GLRA3: variants seen among roughly 807,000 people sequenced by gnomAD.
GLRA3 encodes the protein glycine receptor alpha 3.
GLRA3 carries 44 observed loss-of-function variants against 60.4 expected under a neutral mutation model. That is an observed-to-expected ratio of 0.73 (90% confidence interval 0.57 to 0.94). GLRA3 has a LOEUF of 0.94. Ranked by LOEUF, GLRA3 falls within the 40% of genes least tolerant of loss-of-function variation. The pLI is 0.00. For synonymous variants in GLRA3, 223 were observed against 192.9 expected, an observed-to-expected ratio of 1.16 and a Z score of -1.29; for missense variants, 508 against 564.6, an observed-to-expected ratio of 0.90 and a Z score of 1.02.
intron 3 of GLRA3, among the ~76,000 whole-genome samples, chr4:174,734,711 T>C (rs570564207): frequency 6.6e-6 from 1 of 152,316 alleles, no homozygotes; most frequent in African/African-American, 2.4e-5. Flanking sequence ...ATAACACTCT[T>C]CATATCTCAT....
At chr4:174,820,795 A>G (rs1461579643) in intron 1 of GLRA3, among the ~76,000 whole-genome samples, 1 of 152,176 alleles carries the variant, frequency 6.6e-6, no homozygotes, top group African/African-American at 2.4e-5. Context: ...CAGAAAAGGC[A>G]AACATTATTT....
At chr4:174,769,650 T>C (rs1249909040) in intron 2 of GLRA3, among the ~76,000 whole-genome samples, 1 of 152,106 alleles carries the variant, frequency 6.6e-6, no homozygotes, top group African/African-American at 2.4e-5. Context: ...ATGCTAGGAA[T>C]TACTTCCATA....
intron 7 of GLRA3, among the ~76,000 whole-genome samples, chr4:174,661,163 TCA>T (rs1004856082): frequency 1.7e-4 from 26 of 150,536 alleles, no homozygotes; most frequent in Middle Eastern, 3.4e-3. Flanking sequence ...GAGCTAGCAA[TCA>T]CACACACACA....
At chr4:174,753,955 G>A (rs915447896) in intron 3 of GLRA3, among the ~76,000 whole-genome samples, 13 of 147,992 alleles carry the variant, frequency 8.8e-5, no homozygotes, top group Non-Finnish European at 1.8e-4. Flanking sequence ...CTCTCTCTCA[G>A]GATACAGATT....
Position 174,659,204 on chromosome 4 carries a change from AAGAG to A in GLRA3, c.928-11_928-8del. The A allele has an allele frequency of 3.1e-6, 5 of 1,602,300 alleles. No individual in the cohort carries two copies. The highest frequency in any genetic ancestry group is 1.3e-5 in the African/African-American group (1 of 74,502). Reference sequence around the variant, plus strand: ...TAGCTTTGACATATGAAACCTAGCCAAGAGAGAAAGAGAAAGCAAGCAAATTCAC... The same window carrying A: ...TAGCTTTGACATATGAAACCTAGCCAAGAAAGAGAAAGCAAGCAAATTCAC... On this transcript the variant is annotated splice_polypyrimidine_tract_variant and splice_region_variant and intron_variant, in intron 7 of 9. Transcript: ENST00000274093.
At chr4:174,700,623 G>A (rs1290380000) in intron 5 of GLRA3, among the ~76,000 whole-genome samples, 1 of 152,172 alleles carries the variant, frequency 6.6e-6, no homozygotes, top group African/African-American at 2.4e-5. Flanking sequence ...GCTTAGATAG[G>A]ATGAAAGCTA....
chr4:174,659,222 A>G, intron 7 of GLRA3, 25 bp from the exon 8 acceptor site: 1 of 1,587,414 alleles, frequency 6.3e-7, no homozygotes, highest in Non-Finnish European at 8.6e-7. Context: ...AAGAGAAAGC[A>G]AGCAAATTCA....
chr4:174,813,100 C>A (rs1160752953), intron 1 of GLRA3, among the ~76,000 whole-genome samples: 3 of 152,098 alleles, frequency 2.0e-5, no homozygotes, highest in African/African-American at 7.2e-5. Flanking sequence ...ACACTGCCAA[C>A]CTTCATGCTC....
At chr4:174,787,676 T>C (rs1345310575) in intron 2 of GLRA3, among the ~76,000 whole-genome samples, 1 of 151,176 alleles carries the variant, frequency 6.6e-6, no homozygotes, top group Admixed American at 6.6e-5. Context: ...TTGTTTCTCA[T>C]TTTCATTTGT....
intron 2 of GLRA3, among the ~76,000 whole-genome samples, chr4:174,788,210 T>G (rs1025974829): frequency 3.3e-5 from 5 of 152,064 alleles, no homozygotes; most frequent in African/African-American, 1.2e-4. Context: ...TTACATATCC[T>G]TATATAAACA....
chr4:174,677,376 T>C, intron 6 of GLRA3, 84 bp from the exon 7 acceptor site: 3 of 796,326 alleles, frequency 3.8e-6, no homozygotes, highest in East Asian at 5.2e-5. Flanking sequence ...TCTTTTTTTT[T>C]TGAGACAGGG....
intron 3 of GLRA3, among the ~76,000 whole-genome samples, chr4:174,757,668 G>A (rs967126329): frequency 2.6e-5 from 4 of 152,122 alleles, no homozygotes; most frequent in Non-Finnish European, 5.9e-5. Context: ...ATAAATTATT[G>A]TATAAATAAA....
chr4:174,825,540 A>G (rs1337287681), intron 1 of GLRA3, among the ~76,000 whole-genome samples: 1 of 152,142 alleles, frequency 6.6e-6, no homozygotes, highest in Non-Finnish European at 1.5e-5. Context: ...ATCAACTTAA[A>G]TGAAATATTT....
At chr4:174,749,636 T>C (rs1737385381) in intron 3 of GLRA3, among the ~76,000 whole-genome samples, 1 of 152,058 alleles carries the variant, frequency 6.6e-6, no homozygotes, top group Admixed American at 6.6e-5. Context: ...TGCCTGCTTC[T>C]GATTGCATTG....
intron 5 of GLRA3, among the ~76,000 whole-genome samples, chr4:174,683,838 A>G (rs1320083813): frequency 1.3e-5 from 2 of 152,218 alleles, no homozygotes; most frequent in African/African-American, 4.8e-5. Flanking sequence ...GCAAAAATGG[A>G]GAGGAAATAG....
chr4:174,764,456 A>C (rs1738059919), intron 3 of GLRA3, among the ~76,000 whole-genome samples: 2 of 152,028 alleles, frequency 1.3e-5, no homozygotes, highest in Admixed American at 6.6e-5. Context: ...ATTACAGATA[A>C]TTTGAGATTC....
In GLRA3 at chr4:174,828,838, A is replaced by G. The variant is rs1741087766; in HGVS notation, c.-27T>C. The G allele has an allele frequency of 6.7e-7, 1 of 1,483,164 alleles. No individual in the cohort carries two copies. The highest frequency in any genetic ancestry group is 1.7e-5 in the Admixed American group (1 of 59,868). 91.9% of individuals were successfully genotyped at this position (1,483,164 alleles called of 1,614,324 possible). A position where few individuals can be genotyped will look rare whatever the true frequency, so the allele number is the denominator to read the frequency against. On this transcript the variant is annotated 5_prime_UTR_variant, in exon 1 of 10. Coordinates refer to ENST00000274093, the MANE Select transcript of GLRA3 (RefSeq NM_006529.4). ...ATACGGAGAGATATTCACGATCCTGAAAATAGTCTTATCCAAGGCATGGGG... is the reference window on the plus strand; with the variant it reads ...ATACGGAGAGATATTCACGATCCTGGAAATAGTCTTATCCAAGGCATGGGG...
At chr4:174,694,777 G>A (rs1001526702) in intron 5 of GLRA3, among the ~76,000 whole-genome samples, 6 of 151,474 alleles carry the variant, frequency 4.0e-5, no homozygotes, top group African/African-American at 1.5e-4. Flanking sequence ...AAAGCCATTC[G>A]AAAGCCAGGA....
chr4:174,735,111 A>G (rs1348556942), intron 3 of GLRA3, among the ~76,000 whole-genome samples: 1 of 152,032 alleles, frequency 6.6e-6, no homozygotes, highest in East Asian at 1.9e-4. Flanking sequence ...TTTGATGCTC[A>G]CTTAATATTT....
Sources: gnomAD v4.1 joint callset for allele counts (sites outside exome capture counted in the v4.1 genomes callset) on GRCh38, gnomAD v4.1.1 for gene constraint, MANE v1.5 for transcripts, NCBI Gene and HGNC (gene_info 2026-07-23, HGNC 2026-07-21) for gene names.